Variants in TRAPPC9 observed in about 807,000 individuals in gnomAD.
TRAPPC9 encodes IKK2 binding protein.
In TRAPPC9, 83 loss-of-function variants were observed where a neutral mutation model predicts 124.0. The observed-to-expected ratio is 0.67, with a 90% CI of 0.56 to 0.80. The LOEUF (loss-of-function observed/expected upper bound fraction) is 0.80. TRAPPC9 is among the 30% of genes least tolerant of loss of function. The pLI, the probability that TRAPPC9 is intolerant of heterozygous loss-of-function variation, is 0.00. For synonymous variants in TRAPPC9, 638 were observed against 617.5 expected (o/e 1.03, Z -0.49); for missense variants, 1,302 against 1,508.3 (o/e 0.86, Z 2.27).
intron 5 of TRAPPC9, among the ~76,000 whole-genome samples, chr8:140,423,936 A>G (rs2070331172): frequency 6.6e-6 from 1 of 152,120 alleles, no homozygotes; most frequent in South Asian, 2.1e-4. Context: ...AATAATAGAG[A>G]AAGAAAATAG....
intron 19 of TRAPPC9, among the ~76,000 whole-genome samples, chr8:139,985,018 C>G (rs1837155983): frequency 5.3e-5 from 8 of 152,134 alleles, no homozygotes; most frequent in Admixed American, 5.2e-4. Context: ...TCTCAGCACG[C>G]CTGAAGCCTG....
chr8:139,847,916 A>AGCCTCCGCTCCCTGCC (rs1827197760), intron 21 of TRAPPC9, among the ~76,000 whole-genome samples: 1 of 152,220 alleles, frequency 6.6e-6, no homozygotes, highest in Non-Finnish European at 1.5e-5. Flanking sequence ...CCACCACCAA[A>AGCCTCCGCTCCCTGCC]GCCTCCGCTC....
In TRAPPC9 at chr8:140,307,810, C is replaced by T. The variant is rs112452828; in HGVS notation, c.1622+3438G>A. ...TCTCTAGACCTGCCCTGTCTCCCTT[C>T]TTTCTGCCTTGGATGTAGATGTGTT... On this transcript the variant is annotated intron_variant, in intron 10 of 22. Transcript: ENST00000438773. 2.3e-3 allele frequency among the ~76,000 whole-genome samples: 346 copies of T among 152,354 alleles called. 2 individuals carry two copies. Among genetic ancestry groups the T allele is most frequent in the African/African-American group, 7.3e-3 (304 of 41,574 alleles).
chr8:140,051,123 C>A (rs1455298224), intron 17 of TRAPPC9, among the ~76,000 whole-genome samples: 1 of 152,228 alleles, frequency 6.6e-6, no homozygotes, highest in Non-Finnish European at 1.5e-5. Context: ...TCATCAGAGA[C>A]CACCAGATGT....
intron 17 of TRAPPC9, among the ~76,000 whole-genome samples, chr8:140,030,253 T>C (rs1004105745): frequency 3.9e-5 from 6 of 152,208 alleles, no homozygotes; most frequent in African/African-American, 1.4e-4. Context: ...ATAATTTTTG[T>C]AAGCATTGTA....
chr8:140,448,645 T>C (rs1417008643), intron 2 of TRAPPC9, among the ~76,000 whole-genome samples: 3 of 152,202 alleles, frequency 2.0e-5, no homozygotes, highest in Non-Finnish European at 4.4e-5. Flanking sequence ...ACCCCTTCTC[T>C]GTAAAGCAGG....
rs192622337 is a variant in TRAPPC9 at position 140,080,635 on chromosome 8, C to T, written c.2557-56556G>A. ...CTCAGGAGACAGCACCAATCTATTC[C>T]GGAGGGTTCAGCCCCCATGACCCAA... On this transcript the variant is annotated intron_variant, in intron 17 of 22. Transcript: ENST00000438773. Among the ~76,000 whole-genome samples, 9 of 152,256 alleles carry T rather than the reference C, an allele frequency of 5.9e-5. No individual in the cohort carries two copies. The East Asian group carries it at 1.2e-3, about 20-fold the overall frequency.
In TRAPPC9 at chr8:140,180,861, T is replaced by C. The variant is rs376119539; in HGVS notation, c.2556+40598A>G. On this transcript the variant is annotated intron_variant, in intron 17 of 22. Transcript: ENST00000438773. ...CAGTAATTTGATTAACTTATGTGAC[T>C]GTGTGTGTGTGTCCATCCTGACTGG... Among the ~76,000 whole-genome samples the C allele has an allele frequency of 2.0e-4, 30 of 152,014 alleles. 2 individuals carry two copies. The East Asian group carries it at 2.1e-3, about 11-fold the overall frequency.
chr8:140,421,407 T>C (rs1197174790), intron 5 of TRAPPC9, among the ~76,000 whole-genome samples: 1 of 152,220 alleles, frequency 6.6e-6, no homozygotes, highest in Non-Finnish European at 1.5e-5. Flanking sequence ...TTTACTCTGT[T>C]GTGTAACCAT....
At chr8:139,977,662 CTCAT>C (rs112071784) in intron 19 of TRAPPC9, among the ~76,000 whole-genome samples, 112,016 of 140,120 alleles carry the variant, frequency 0.8, 45,277 homozygotes, top group Middle Eastern at 0.92. Flanking sequence ...CTCCCTCCTC[CTCAT>C]TCATTCATTC....
chr8:139,774,793 G>A (rs1005803660), intron 21 of TRAPPC9, among the ~76,000 whole-genome samples: 6 of 152,226 alleles, frequency 3.9e-5, no homozygotes, highest in Non-Finnish European at 7.3e-5. Context: ...AATCTCTCCA[G>A]TGGACAGGTA....
rs1837096990 is a variant in TRAPPC9 at position 139,984,275 on chromosome 8, CCTG to C, written c.2810+4448_2810+4450del. ...TATCTGCAGAGAAAAGTTCTGTGCA[CCTG>C]CCTCCCTCCCAGGTAGCAGTGAGAG... On this transcript the variant is annotated intron_variant, in intron 19 of 22. Transcript: ENST00000438773. This position sits in a 1 kb window ranked among gnomAD's most constrained non-coding sequence, Gnocchi z 4.3. Among the ~76,000 whole-genome samples the C allele has an allele frequency of 6.6e-6, 1 of 152,174 alleles. No homozygotes were observed. The highest frequency in any genetic ancestry group is 2.4e-5 in the African/African-American group (1 of 41,450).
Position 139,988,726 on chromosome 8 carries a change from C to T in TRAPPC9, c.2810G>A (p.Arg937Gln), listed in dbSNP as rs1160499587. Residue 937 changes from arginine (R) to glutamine (Q), a missense_variant and splice_region_variant, in exon 19 of 23, where the codon CGA becomes CAA. This residue lies in a region of TRAPPC9 where 640 missense variants were observed against 679.3 expected (regional missense o/e 0.94). Transcript: ENST00000438773. ...ALILHAGECQ[R>Q]MAIQVDKFNF... ...GCGCGAGGGTCTATGGGACACTTAC[C>T]GCTGGCACTCACCGGCGTGCAGGAT... The T allele has an allele frequency of 3.9e-6, 6 of 1,548,032 alleles. No homozygotes were observed. The East Asian group carries it at 7.3e-5, about 19-fold the overall frequency.
At chr8:139,960,097 G>A (rs1394933673) in intron 19 of TRAPPC9, among the ~76,000 whole-genome samples, 1 of 152,230 alleles carries the variant, frequency 6.6e-6, no homozygotes, top group African/African-American at 2.4e-5. Flanking sequence ...AAGGTGTCAG[G>A]GGTTAAGTAT....
intron 17 of TRAPPC9, among the ~76,000 whole-genome samples, chr8:140,126,514 C>T (rs973449464): frequency 1.3e-5 from 2 of 152,098 alleles, no homozygotes; most frequent in African/African-American, 2.4e-5. Flanking sequence ...TATTTGATAG[C>T]GATAAAAGCT....
At chr8:140,021,683 C>T (rs575194001) in intron 18 of TRAPPC9, among the ~76,000 whole-genome samples, 4 of 152,264 alleles carry the variant, frequency 2.6e-5, no homozygotes, top group Non-Finnish European at 5.9e-5. Context: ...GCACCTGAAA[C>T]TTTGGAAGTG....
chr8:140,154,979 G>A lies in TRAPPC9; in HGVS notation c.2556+66480C>T, dbSNP rs554149669. Among the ~76,000 whole-genome samples the A allele has an allele frequency of 1.2e-3, 190 of 152,286 alleles. 1 individual carries two copies. Among genetic ancestry groups the A allele is most frequent in the Non-Finnish European group, 2.0e-3 (137 of 68,016 alleles). ...CCTAGCATACCATGTAGGGCATCCTGTTAGAATCCTCTGTTGAGTATCTTC... is the reference window on the plus strand; with the variant it reads ...CCTAGCATACCATGTAGGGCATCCTATTAGAATCCTCTGTTGAGTATCTTC... On this transcript the variant is annotated intron_variant, in intron 17 of 22. Coordinates refer to ENST00000438773, the MANE Select transcript of TRAPPC9 (RefSeq NM_001160372.4).
At chr8:139,960,609 T>TAGCCGGAGGAGCAAGGGAACAGATTCCC (rs1835319188) in intron 19 of TRAPPC9, among the ~76,000 whole-genome samples, 3 of 127,978 alleles carry the variant, frequency 2.3e-5, no homozygotes, top group Non-Finnish European at 5.6e-5. Flanking sequence ...GACCCAGCTG[T>TAGCCGGAGGAGCAAGGGAACAGATTCCC]CAAGTCTGGA....
At chr8:140,043,870 C>T (rs1050160337) in intron 17 of TRAPPC9, among the ~76,000 whole-genome samples, 2 of 152,176 alleles carry the variant, frequency 1.3e-5, no homozygotes, top group African/African-American at 2.4e-5. Context: ...CTTCCCTCTC[C>T]CCTCCAGTGG....
Sources: gnomAD v4.1 joint callset for allele counts (sites outside exome capture counted in the v4.1 genomes callset) on GRCh38, gnomAD v4.1.1 for gene constraint, gnomAD v4.1.1 regional missense constraint, Gnocchi (gnomAD v3.1) non-coding constraint, MANE v1.5 for transcripts, NCBI Gene and HGNC (gene_info 2026-07-23, HGNC 2026-07-21) for gene names.